SNX17: variants seen among roughly 807,000 people sequenced by gnomAD.
The protein encoded by SNX17 is sorting nexin 17, also known as sorting nexin-17.
SNX17 carries 35 observed loss-of-function variants against 64.3 expected under a neutral mutation model. The observed-to-expected ratio is 0.54, with a 90% CI of 0.42 to 0.72. The LOEUF is 0.72. Among genes scored for constraint, SNX17 ranks in the 30% least tolerant of loss-of-function variants. The pLI, the probability that SNX17 is intolerant of heterozygous loss-of-function variation, is 0.00. For synonymous variants in SNX17, 259 were observed against 230.2 expected (o/e 1.13, Z -1.13); for missense variants, 538 against 610.0 (o/e 0.88, Z 1.24).
Position 27,376,498 on chromosome 2 carries a change from G to A in SNX17, c.1277G>A (p.Arg426Gln), listed in dbSNP as rs775077654. The A allele has an allele frequency of 8.1e-6, 13 of 1,614,126 alleles. No individual in the cohort carries two copies. Among genetic ancestry groups the A allele is most frequent in the South Asian group, 6.6e-5 (6 of 91,082 alleles). Residue 426 changes from arginine (R) to glutamine (Q), a missense_variant, in exon 14 of 15, where the codon CGG becomes CAG. Arg to Gln is a conservative substitution (Grantham distance 43, BLOSUM62 1). Around this residue, in one of 3 missense-constraint regions of SNX17, gnomAD observed 505 missense variants for 550.4 expected, o/e 0.92. Coordinates refer to ENST00000233575, the MANE Select transcript of SNX17 (RefSeq NM_014748.4). ...PPLLESPDATRESMVKLSSKL... is the reference protein window; with the variant it reads ...PPLLESPDATQESMVKLSSKL... Reference sequence around the variant, plus strand: ...CCCCAGGAGTCACCTGATGCCACCCGGGAGTCTATGGTCAAACTCTCAGTG... The same window carrying A: ...CCCCAGGAGTCACCTGATGCCACCCAGGAGTCTATGGTCAAACTCTCAGTG...
rs199850683 is a variant in SNX17, at chr2:27,375,883, G to A, written c.1016G>A (p.Arg339Gln). 20 of 1,614,102 alleles carry A rather than the reference G, an allele frequency of 1.2e-5. No individual in the cohort carries two copies. In the East Asian group the frequency reaches 2.0e-4, roughly 16 times the overall value. Residue 339 changes from arginine to glutamine, a missense_variant, in exon 11 of 15, where the codon CGG becomes CAG. Around this residue, in one of 3 missense-constraint regions of SNX17, gnomAD observed 505 missense variants for 550.4 expected, o/e 0.92. Transcript: ENST00000233575. This position sits in a 1 kb window ranked among gnomAD's most constrained non-coding sequence, Gnocchi z 4.1. ...LPSGSTSSPG[R>Q]GRGEVRLELA... ...AGTGGAAGCACGAGCAGCCCAGGCCGGGGCCGGGGTGAGGTGCGCCTGGAA... is the reference window on the plus strand; with the variant it reads ...AGTGGAAGCACGAGCAGCCCAGGCCAGGGCCGGGGTGAGGTGCGCCTGGAA...
At position 27,376,487 on chromosome 2, in the gene SNX17, T is replaced by A. The variant is rs939100055; in HGVS notation, c.1266T>A (p.Pro422=). 3 of 1,614,180 alleles carry A rather than the reference T, an allele frequency of 1.9e-6. No individual in the cohort carries two copies. The highest frequency in any genetic ancestry group is 2.5e-6 in the Non-Finnish European group (3 of 1,180,024). ...AVKSPPLLES[P]DATRESMVKL... ...TGCCTCTTCTTCCCCAGGAGTCACC[T>A]GATGCCACCCGGGAGTCTATGGTCA... The change falls in exon 14 of 15, where the codon CCT becomes CCA. Residue 422 remains proline, a synonymous_variant. Transcript: ENST00000233575.
Position 27,375,355 on chromosome 2 carries a change from G to T in SNX17, c.775-151G>T, listed in dbSNP as rs144707371. The T allele has an allele frequency of 4.2e-4, 380 of 898,678 alleles. 5 individuals are homozygous for T. The East Asian group carries it at 9.9e-3, about 23-fold the overall frequency. 55.7% of individuals were successfully genotyped at this position (898,678 alleles called of 1,614,324 possible). The stretch of plus-strand genomic sequence containing the variant: ...GGGTTTCACCATGTTAGCCAGGATG[G>T]TCTTGAGCTCCTGACCTTGTGATCT... On this transcript the variant is annotated intron_variant, in intron 9 of 14. Coordinates refer to ENST00000233575, the MANE Select transcript of SNX17 (RefSeq NM_014748.4). This position sits in a 1 kb window ranked among gnomAD's most constrained non-coding sequence, Gnocchi z 4.1.
At position 27,372,663 on chromosome 2, in the gene SNX17, C is replaced by T; in HGVS notation, c.179C>T (p.Pro60Leu). The T allele has an allele frequency of 6.2e-7, 1 of 1,614,174 alleles. No individual in the cohort carries two copies. The highest frequency in any genetic ancestry group is 8.5e-7 in the Non-Finnish European group (1 of 1,180,030). The change falls in exon 3 of 15, where the codon CCC (proline) becomes CTC (leucine). Residue 60 changes from proline to leucine, a missense_variant. Pro to Leu is a moderately conservative substitution (Grantham distance 98). Transcript: ENST00000233575. Reference protein sequence around the residue: ...EYGANVLPAFPPKKLFSLTPA... With the variant: ...EYGANVLPAFLPKKLFSLTPA... Reference sequence around the variant, plus strand: ...GGGGCCAATGTGCTTCCTGCATTCCCCCCAAAGAAGCTTTTCTCTCTGACT... The same window carrying T: ...GGGGCCAATGTGCTTCCTGCATTCCTCCCAAAGAAGCTTTTCTCTCTGACT...
At chr2:27,370,923 C>CCA in intron 1 of SNX17, 117 bp downstream of exon 1, 1 of 1,133,266 alleles carries the variant, frequency 8.8e-7, no homozygotes, top group Non-Finnish European at 1.2e-6. Flanking sequence ...CCTGGGCCGC[C>CCA]GACTCCCGAC....
At position 27,375,485 on chromosome 2, in the gene SNX17, C is replaced by T; in HGVS notation, c.775-21C>T. The T allele has an allele frequency of 6.2e-7, 1 of 1,613,818 alleles. No homozygotes were observed. The highest frequency in any genetic ancestry group is 8.5e-7 in the Non-Finnish European group (1 of 1,179,950). Reference sequence around the variant, plus strand: ...CCCATTCTCCCTCCTAATCTACCCCCATGTGATGACCATTTTTCAGTTCCT... The same window carrying T: ...CCCATTCTCCCTCCTAATCTACCCCTATGTGATGACCATTTTTCAGTTCCT... On this transcript the variant is annotated intron_variant, in intron 9 of 14. Coordinates refer to ENST00000233575, the MANE Select transcript of SNX17 (RefSeq NM_014748.4). The surrounding 1 kb of genome is among the most constrained non-coding windows in gnomAD (Gnocchi z 4.1).
Position 27,374,762 on chromosome 2 carries a change from A to C in SNX17, c.681+4A>C. On this transcript the variant is annotated splice_donor_region_variant and intron_variant, in intron 8 of 14. Transcript: ENST00000233575. ...CCTGAACCTGCTTTATGCTCAGGTGAGCTTGGAGCTGCCTCAGAACCCTTC... is the reference window on the plus strand; with the variant it reads ...CCTGAACCTGCTTTATGCTCAGGTGCGCTTGGAGCTGCCTCAGAACCCTTC... 6 of 1,613,788 alleles carry C rather than the reference A, an allele frequency of 3.7e-6. No homozygotes were observed. Among genetic ancestry groups the C allele is most frequent in the Non-Finnish European group, 5.1e-6 (6 of 1,179,726 alleles).
At position 27,370,623 on chromosome 2, in the gene SNX17, T is replaced by A; in HGVS notation, c.-121T>A. The A allele has an allele frequency of 7.6e-6, 11 of 1,455,154 alleles. No individual in the cohort carries two copies. Among genetic ancestry groups the A allele is most frequent in the Non-Finnish European group, 1.0e-5 (11 of 1,103,344 alleles). The allele number at this position is 1,455,154 out of a possible 1,614,324, so 90.1% of individuals were successfully genotyped here. On this transcript the variant is annotated 5_prime_UTR_variant, in exon 1 of 15. Coordinates refer to ENST00000233575, the MANE Select transcript of SNX17 (RefSeq NM_014748.4). ...CGTCCCACCGCCTTCCCACATCGGA[T>A]CGCAGGGCTCCCAAAATGGCGAGTG...
intron 2 of SNX17, 69 bp from the exon 3 acceptor site, chr2:27,372,554 A>G (rs1682739455): frequency 3.7e-6 from 6 of 1,610,814 alleles, no homozygotes; most frequent in Non-Finnish European, 5.1e-6. Flanking sequence ...GAACATTATG[A>G]GCATATGTAG....
chr2:27,376,089 A>T lies in SNX17; in HGVS notation c.1105-17A>T. The T allele has an allele frequency of 1.9e-6, 3 of 1,613,890 alleles. No homozygotes were observed. Among genetic ancestry groups the T allele is most frequent in the Non-Finnish European group, 2.5e-6 (3 of 1,179,966 alleles). The stretch of plus-strand genomic sequence containing the variant: ...AGTGACCACTCTCATCAAGCTGGAC[A>T]CTCTTCTTGCCCTCAGGCTATCATG... On this transcript the variant is annotated splice_polypyrimidine_tract_variant and intron_variant, in intron 11 of 14. Transcript: ENST00000233575.
At position 27,376,984 on chromosome 2, in the gene SNX17, T is replaced by C; in HGVS notation, c.*265T>C. ...TGCACAAAGTCTAAGGGACCATGGC[T>C]GCCTGCCTTGGGGAGGAACCATATC... is the stretch of plus-strand genomic sequence containing the variant. On this transcript the variant is annotated 3_prime_UTR_variant, in exon 15 of 15. Transcript: ENST00000233575. 1 of 480,474 alleles carries C rather than the reference T, an allele frequency of 2.1e-6. No individual in the cohort carries two copies. The highest frequency in any genetic ancestry group is 3.8e-6 in the Non-Finnish European group (1 of 263,476). 29.8% of individuals were successfully genotyped at this position (480,474 alleles called of 1,614,324 possible).
intron 2 of SNX17, 103 bp downstream of exon 2, chr2:27,371,446 TC>T: frequency 6.8e-7 from 1 of 1,463,922 alleles, no homozygotes; most frequent in Non-Finnish European, 9.0e-7. Flanking sequence ...AGGCTGTAGT[TC>T]CCCTTTAATC....
intron 8 of SNX17, 138 bp downstream of exon 8, chr2:27,374,896 T>C (rs543709123): frequency 1.0e-6 from 1 of 973,500 alleles, no homozygotes; most frequent in South Asian, 1.4e-5. Flanking sequence ...GCTGGCACAA[T>C]ATCTACTCTC....
Position 27,376,197 on chromosome 2 carries a change from G to C in SNX17, c.1182+14G>C, listed in dbSNP as rs1280470688. The C allele has an allele frequency of 8.1e-6, 13 of 1,614,140 alleles. No individual in the cohort carries two copies. Among genetic ancestry groups the C allele is most frequent in the Non-Finnish European group, 1.0e-5 (12 of 1,179,998 alleles). On this transcript the variant is annotated intron_variant, in intron 12 of 14. Coordinates refer to ENST00000233575, the MANE Select transcript of SNX17 (RefSeq NM_014748.4). ...AGTATCAGGAAGGTAGGCAGCAAGT[G>C]TGGACTGAGCAGTGAGCAGGTGTGC...
rs1683189676 is a variant in SNX17, at chr2:27,376,111, CATG to C, written c.1115_1117del (p.Met372del). 1 of 1,614,020 alleles carries C rather than the reference CATG, an allele frequency of 6.2e-7. No individual in the cohort carries two copies. The highest frequency in any genetic ancestry group is 8.5e-7 in the Non-Finnish European group (1 of 1,180,034). ...GACACTCTTCTTGCCCTCAGGCTAT[CATG>C]ATGAGCATCTGCTTGCAGTCCATGG... On this transcript the variant is annotated inframe_deletion, in exon 12 of 15. Transcript: ENST00000233575.
chr2:27,372,947 G>C, intron 3 of SNX17: 3 of 1,312,290 alleles, frequency 2.3e-6, no homozygotes, highest in Non-Finnish European at 3.2e-6. Flanking sequence ...ACATCTATGA[G>C]AAATACTAGT....
At position 27,374,074 on chromosome 2, in the gene SNX17, C is replaced by T. The variant is rs779047598; in HGVS notation, c.433-11C>T. The T allele has an allele frequency of 1.2e-6, 2 of 1,613,460 alleles. No homozygotes were observed. The highest frequency in any genetic ancestry group is 1.7e-6 in the Non-Finnish European group (2 of 1,179,366). On this transcript the variant is annotated splice_polypyrimidine_tract_variant and intron_variant, in intron 5 of 14. Transcript: ENST00000233575. Reference sequence around the variant, plus strand: ...CAGTATGATGAGCTGTACTTCTATCCCTATCCCCAGGCTGTAGCTGCAAAG... The same window carrying T: ...CAGTATGATGAGCTGTACTTCTATCTCTATCCCCAGGCTGTAGCTGCAAAG...
At chr2:27,374,278 C>T (rs1412820379) in intron 6 of SNX17, 68 bp from the exon 7 acceptor site, 2 of 1,470,604 alleles carry the variant, frequency 1.4e-6, no homozygotes, top group South Asian at 1.1e-5. Flanking sequence ...TGCCTCAGGG[C>T]ACTTCTTTCT....
Position 27,376,176 on chromosome 2 carries a change from T to C in SNX17, c.1175T>C (p.Ile392Thr). The change falls in exon 12 of 15, where the codon ATC (isoleucine) becomes ACC (threonine). Residue 392 changes from isoleucine to threonine, a missense_variant. This residue lies in a region of SNX17 where 505 missense variants were observed against 550.4 expected (regional missense o/e 0.92). Coordinates refer to ENST00000233575, the MANE Select transcript of SNX17 (RefSeq NM_014748.4). ...ELMVKKSGGS[I>T]RKMLRRRVGG... is the part of the protein sequence containing the mutation. ...ATGGTGAAGAAATCTGGCGGCAGTA[T>C]CAGGAAGGTAGGCAGCAAGTGTGGA... The C allele has an allele frequency of 6.2e-7, 1 of 1,614,058 alleles. No homozygotes were observed. The highest frequency in any genetic ancestry group is 2.2e-5 in the East Asian group (1 of 44,856).
Sources: allele counts gnomAD v4.1 joint callset, GRCh38; gene constraint gnomAD v4.1.1; regional missense constraint gnomAD v4.1.1; non-coding constraint Gnocchi (gnomAD v3.1); transcripts MANE v1.5; gene names NCBI Gene and HGNC (gene_info 2026-07-23, HGNC 2026-07-21).